Variants in CDKAL1 observed in about 807,000 individuals in gnomAD.
CDKAL1 encodes threonylcarbamoyladenosine tRNA methylthiotransferase.
Under a neutral mutation model 68.2 loss-of-function variants are expected in CDKAL1, and 32 were observed. The ratio of observed to expected loss-of-function variants is 0.47; its 90% CI spans 0.35 to 0.63. The LOEUF (loss-of-function observed/expected upper bound fraction) is 0.63. CDKAL1 is among the 30% of genes least tolerant of loss of function. The probability of loss-of-function intolerance (pLI) is 0.00; values close to 1 mark genes in which losing one functional copy is unlikely to be tolerated. For synonymous variants in CDKAL1, 234 were observed against 244.3 expected (o/e 0.96, Z 0.39); for missense variants, 606 against 696.7 (o/e 0.87, Z 1.47).
intron 10 of CDKAL1, among the ~76,000 whole-genome samples, chr6:20,977,781 G>A (rs1230955724): frequency 1.3e-5 from 2 of 152,172 alleles, no homozygotes; most frequent in African/African-American, 4.8e-5. Context: ...TGAAGACTGA[G>A]GCAGGAAGAT....
At chr6:20,737,651 A>G (rs1773256517) in intron 5 of CDKAL1, among the ~76,000 whole-genome samples, 1 of 152,226 alleles carries the variant, frequency 6.6e-6, no homozygotes, top group Admixed American at 6.5e-5. Flanking sequence ...CAAGAAAAGT[A>G]TTTATATGCA....
chr6:20,994,833 TG>T (rs1306678875), intron 10 of CDKAL1, among the ~76,000 whole-genome samples: 4 of 152,250 alleles, frequency 2.6e-5, no homozygotes, highest in Non-Finnish European at 5.9e-5. Flanking sequence ...TTGCTTGTGA[TG>T]GGTCTTGCCA....
chr6:21,086,483 A>G (rs1772700877), intron 12 of CDKAL1, among the ~76,000 whole-genome samples: 1 of 152,190 alleles, frequency 6.6e-6, no homozygotes, highest in Admixed American at 6.5e-5. Flanking sequence ...AGGAGATAGA[A>G]TGACTTACCA....
intron 12 of CDKAL1, among the ~76,000 whole-genome samples, chr6:21,098,061 T>C (rs932281467): frequency 3.9e-5 from 6 of 152,226 alleles, no homozygotes; most frequent in Non-Finnish European, 8.8e-5. Flanking sequence ...AGTGGCCTCA[T>C]CCAGCTTTCT....
At chr6:21,043,489 C>A (rs1770049370) in intron 11 of CDKAL1, among the ~76,000 whole-genome samples, 1 of 152,130 alleles carries the variant, frequency 6.6e-6, no homozygotes, top group African/African-American at 2.4e-5. Flanking sequence ...TTGTATGCAA[C>A]ACTTGTAAGG....
chr6:20,686,619 T>A (rs577608835), intron 5 of CDKAL1, among the ~76,000 whole-genome samples: 2 of 152,312 alleles, frequency 1.3e-5, no homozygotes, highest in East Asian at 3.9e-4. Flanking sequence ...ATAAATGTAA[T>A]GCGCTTGAAT....
At chr6:20,800,228 G>C (rs1487516085) in intron 8 of CDKAL1, among the ~76,000 whole-genome samples, 1 of 152,192 alleles carries the variant, frequency 6.6e-6, no homozygotes, top group African/African-American at 2.4e-5. Context: ...ACAACCCACA[G>C]TGTGAGATAG....
intron 9 of CDKAL1, among the ~76,000 whole-genome samples, chr6:20,862,669 G>A (rs933414650): frequency 5.3e-5 from 8 of 151,776 alleles, no homozygotes; most frequent in East Asian, 3.9e-4. Context: ...GTGTGCGCGC[G>A]TGCATGCGCG....
At chr6:21,094,795 TG>T (rs1773236099) in intron 12 of CDKAL1, among the ~76,000 whole-genome samples, 1 of 152,256 alleles carries the variant, frequency 6.6e-6, no homozygotes, top group East Asian at 1.9e-4. Flanking sequence ...AATGAATGAA[TG>T]CTTATTAAAA....
chr6:20,599,546 A>G (rs56388235), intron 4 of CDKAL1, among the ~76,000 whole-genome samples: 4,390 of 152,240 alleles, frequency 0.029, 178 homozygotes, highest in African/African-American at 0.096. Flanking sequence ...TGTTTCTCAA[A>G]GGAGTTTTGG....
chr6:20,975,536 A>G (rs780166890), intron 10 of CDKAL1, among the ~76,000 whole-genome samples: 12 of 152,258 alleles, frequency 7.9e-5, no homozygotes, highest in Non-Finnish European at 1.8e-4. Context: ...CATAACATCT[A>G]TTCAATAACA....
At chr6:21,164,349 C>A (rs1253783860) in intron 13 of CDKAL1, among the ~76,000 whole-genome samples, 1 of 151,890 alleles carries the variant, frequency 6.6e-6, no homozygotes, top group Admixed American at 6.5e-5. Flanking sequence ...AAAACTGGGA[C>A]CTAGATTTAG....
chr6:20,910,474 A>T (rs1762420021), intron 9 of CDKAL1, among the ~76,000 whole-genome samples: 1 of 152,172 alleles, frequency 6.6e-6, no homozygotes, highest in South Asian at 2.1e-4. Flanking sequence ...TTTCCTGTGG[A>T]GAAAATAGAT....
At chr6:21,230,757 G>T in intron 15 of CDKAL1, 91 bp from the exon 16 acceptor site, 1 of 1,018,122 alleles carries the variant, frequency 9.8e-7, no homozygotes, top group South Asian at 2.2e-5. Context: ...ATAAAAGGCG[G>T]CACCTTCTGG....
chr6:20,568,753 A>AAAAAAAAAAAC (rs1561931956), intron 4 of CDKAL1, among the ~76,000 whole-genome samples: 5 of 127,506 alleles, frequency 3.9e-5, no homozygotes, highest in Admixed American at 7.6e-5. Flanking sequence ...AAAAAAAACA[A>AAAAAAAAAAAC]AAAAACAAAA....
At chr6:21,081,473 A>G (rs1772395908) in intron 12 of CDKAL1, among the ~76,000 whole-genome samples, 1 of 152,104 alleles carries the variant, frequency 6.6e-6, no homozygotes, top group African/African-American at 2.4e-5. Context: ...AAATTGTAAT[A>G]TTCAATTTGA....
chr6:21,209,799 C>CGGAT (rs1381844587), intron 15 of CDKAL1, among the ~76,000 whole-genome samples: 6 of 152,326 alleles, frequency 3.9e-5, no homozygotes, highest in African/African-American at 1.4e-4. Flanking sequence ...GCCCAGCCAC[C>CGGAT]TATCCCTGCA....
At chr6:20,867,861 G>A (rs1014374115) in intron 9 of CDKAL1, among the ~76,000 whole-genome samples, 2 of 152,096 alleles carry the variant, frequency 1.3e-5, no homozygotes, top group African/African-American at 2.4e-5. Context: ...ACCTGGAATC[G>A]CCTTTAATCA....
At chr6:20,949,818 C>T (rs1038381591) in intron 9 of CDKAL1, among the ~76,000 whole-genome samples, 31 of 152,092 alleles carry the variant, frequency 2.0e-4, no homozygotes, top group African/African-American at 6.7e-4. Context: ...GAGATGGAGT[C>T]TCATGCAGTC....
Sources: gnomAD v4.1 joint callset for allele counts (sites outside exome capture counted in the v4.1 genomes callset) on GRCh38, gnomAD v4.1.1 for gene constraint, MANE v1.5 for transcripts, NCBI Gene and HGNC (gene_info 2026-07-23, HGNC 2026-07-21) for gene names.